NVL: variants seen among roughly 807,000 people sequenced by gnomAD.
NVL encodes the protein nuclear VCP like, also known as nuclear valosin-containing protein-like.
A neutral mutation model predicts 110.2 loss-of-function variants in NVL; 84 were observed. That is an observed-to-expected ratio of 0.76 (90% CI 0.64 to 0.91). The LOEUF is 0.91. NVL is among the 40% of genes least tolerant of loss of function. NVL has a pLI of 0.00. For synonymous variants in NVL, 354 were observed against 361.1 expected (o/e 0.98, Z 0.22); for missense variants, 882 against 1,035.9 (o/e 0.85, Z 2.04).
chr1:224,320,628 CTGAG>C (rs1670549758), intron 2 of NVL, among the ~76,000 whole-genome samples: 1 of 151,034 alleles, frequency 6.6e-6, no homozygotes, highest in Admixed American at 6.6e-5. Context: ...GCCTGGGTGA[CTGAG>C]TGAGACTCCA....
chr1:224,319,677 A>C (rs1670458782), intron 2 of NVL, among the ~76,000 whole-genome samples: 1 of 152,156 alleles, frequency 6.6e-6, no homozygotes, highest in African/African-American at 2.4e-5. Flanking sequence ...ATCTGAATTT[A>C]TGTCTCCTCA....
At chr1:224,323,665 C>CGGTCGTTT in intron 2 of NVL, among the ~76,000 whole-genome samples, 1 of 152,266 alleles carries the variant, frequency 6.6e-6, no homozygotes, top group Non-Finnish European at 1.5e-5. Flanking sequence ...AAGGGAAGAA[C>CGGTCGTTT]GACCCTTCAG....
intron 18 of NVL, among the ~76,000 whole-genome samples, chr1:224,262,839 G>A (rs773752831): frequency 3.3e-5 from 5 of 152,170 alleles, no homozygotes; most frequent in Non-Finnish European, 7.3e-5. Flanking sequence ...GGTCAGCAGA[G>A]AGAAATAGTG....
intron 13 of NVL, 105 bp downstream of exon 13, chr1:224,289,379 A>G: frequency 1.6e-6 from 2 of 1,213,576 alleles, no homozygotes; most frequent in South Asian, 1.5e-5. Context: ...TTAAATGCCA[A>G]TAAAACAGAA....
chr1:224,270,372 C>T (rs1664963508), intron 17 of NVL, among the ~76,000 whole-genome samples: 1 of 152,098 alleles, frequency 6.6e-6, no homozygotes, highest in Admixed American at 6.6e-5. Context: ...GCCTGGCCAA[C>T]ATGGCAAAAC....
intron 20 of NVL, among the ~76,000 whole-genome samples, chr1:224,235,218 A>AGTG (rs1281281899): frequency 6.6e-6 from 1 of 151,932 alleles, no homozygotes; most frequent in East Asian, 1.9e-4. Context: ...CCCAGCCTGG[A>AGTG]GTGCAGTGAC....
chr1:224,302,401 A>G (rs1260186033), intron 9 of NVL, among the ~76,000 whole-genome samples: 2 of 152,028 alleles, frequency 1.3e-5, no homozygotes, highest in Non-Finnish European at 1.5e-5. Flanking sequence ...GGGTTTCTCC[A>G]TGTTGGTCAG....
intron 10 of NVL, among the ~76,000 whole-genome samples, chr1:224,297,347 T>C (rs1461112589): frequency 1.3e-5 from 2 of 152,192 alleles, no homozygotes; most frequent in Non-Finnish European, 2.9e-5. Flanking sequence ...CCTCCAGTTT[T>C]TTTGTTTTTA....
At chr1:224,251,291 AAG>A (rs1662468361) in intron 18 of NVL, among the ~76,000 whole-genome samples, 1 of 150,554 alleles carries the variant, frequency 6.6e-6, no homozygotes, top group Non-Finnish European at 1.5e-5. Flanking sequence ...AAAAAAAAAA[AAG>A]CAATTAACAT....
Position 224,296,615 on chromosome 1 carries a change from T to A in NVL, c.1066A>T (p.Asn356Tyr). The A allele has an allele frequency of 1.9e-6, 3 of 1,564,298 alleles. No individual in the cohort carries two copies. Residue 356 changes from asparagine (N) to tyrosine (Y), a missense_variant, in exon 11 of 23, where the codon AAT becomes TAT. Transcript: ENST00000281701. Reference protein sequence around the residue: ...LRELFEQAVSNAPCIIFIDEI... With the variant: ...LRELFEQAVSYAPCIIFIDEI... ...TCAATGAAAATGATACATGGTGCAT[T>A]TGACTAGAAATAAAAATATCACAAA...
At chr1:224,300,827 G>A (rs1178554977) in intron 9 of NVL, among the ~76,000 whole-genome samples, 164 bp from the exon 10 acceptor site, 3 of 152,068 alleles carry the variant, frequency 2.0e-5, no homozygotes, top group Admixed American at 1.3e-4. Context: ...GGTTTTGGCC[G>A]GGCATGGTGG....
chr1:224,238,433 T>A (rs1329810527), intron 19 of NVL, among the ~76,000 whole-genome samples: 2 of 152,192 alleles, frequency 1.3e-5, no homozygotes, highest in African/African-American at 4.8e-5. Flanking sequence ...CCTTGTGCAC[T>A]AGTTACCTGT....
At position 224,289,985 on chromosome 1, in the gene NVL, T is replaced by A. The variant is rs894156490; in HGVS notation, c.1326-252A>T. Among the ~76,000 whole-genome samples, 8 of 152,208 alleles carry A rather than the reference T, an allele frequency of 5.3e-5. No individual in the cohort carries two copies. The South Asian group carries it at 1.0e-3, about 20-fold the overall frequency. On this transcript the variant is annotated intron_variant, in intron 12 of 22. Transcript: ENST00000281701. ...TGCTGTGACGAATACATAGAATTTT[T>A]AAAAAATATTTTGCCTTTAAGAATT...
Position 224,291,211 on chromosome 1 carries a change from CT to C in NVL, c.1326-1479del, listed in dbSNP as rs564084689. 3.5e-3 allele frequency among the ~76,000 whole-genome samples: 532 copies of C among 151,612 alleles called. 4 individuals carry two copies. Among genetic ancestry groups the C allele is most frequent in the African/African-American group, 0.012 (497 of 41,376 alleles). Reference sequence around the variant, plus strand: ...AGTTAGTGCCCAATGAATGTTAATTCTTTTTTTTTCTGAGACGGAGTTTTGC... The same window carrying C: ...AGTTAGTGCCCAATGAATGTTAATTCTTTTTTTTCTGAGACGGAGTTTTGC... On this transcript the variant is annotated intron_variant, in intron 12 of 22. Coordinates refer to ENST00000281701, the MANE Select transcript of NVL (RefSeq NM_002533.4).
intron 22 of NVL, among the ~76,000 whole-genome samples, chr1:224,230,904 CG>C (rs1659803690): frequency 1.3e-5 from 2 of 152,060 alleles, no homozygotes; most frequent in Admixed American, 1.3e-4. Context: ...GAGGCAGAGA[CG>C]GGCGGATCAC....
chr1:224,300,844 C>G (rs1668326009), intron 9 of NVL, among the ~76,000 whole-genome samples, 181 bp from the exon 10 acceptor site: 2 of 152,110 alleles, frequency 1.3e-5, no homozygotes, highest in Admixed American at 1.3e-4. Flanking sequence ...GTGGCTCAGG[C>G]CTATAATCCC....
At chr1:224,247,484 C>T (rs533561695) in intron 19 of NVL, among the ~76,000 whole-genome samples, 4 of 152,122 alleles carry the variant, frequency 2.6e-5, no homozygotes, top group African/African-American at 4.8e-5. Context: ...GCCTGGCCAA[C>T]GTGGTGAAAC....
intron 19 of NVL, 131 bp from the exon 20 acceptor site, chr1:224,236,713 C>A: frequency 6.1e-6 from 4 of 656,350 alleles, no homozygotes; most frequent in Non-Finnish European, 1.1e-5. Flanking sequence ...GAGTTCGAGA[C>A]CAACCTGTGG....
intron 15 of NVL, among the ~76,000 whole-genome samples, chr1:224,285,710 C>T (rs1360055756): frequency 6.6e-6 from 1 of 151,810 alleles, no homozygotes; most frequent in Non-Finnish European, 1.5e-5. Context: ...AATACCAAAG[C>T]AGGAAACTAA....
Sources: allele counts gnomAD v4.1 joint callset (sites outside exome capture counted in the v4.1 genomes callset), GRCh38; gene constraint gnomAD v4.1.1; transcripts MANE v1.5; gene names NCBI Gene and HGNC (gene_info 2026-07-23, HGNC 2026-07-21).